Variants in CSMD1 observed in about 807,000 individuals in gnomAD.
CSMD1 encodes CUB and sushi domain-containing protein 1.
CSMD1 carries 213 observed loss-of-function variants against 417.5 expected under a neutral mutation model. The observed-to-expected ratio is 0.51, with a 90% CI of 0.46 to 0.57. The LOEUF (loss-of-function observed/expected upper bound fraction) is 0.57, where lower values mean the gene tolerates loss of function less well. CSMD1 is among the 20% of genes least tolerant of loss of function. The pLI is 0.00. For synonymous variants in CSMD1, 2,862 were observed against 1,736.8 expected (o/e 1.65, Z -16.11); for missense variants, 6,923 against 4,529.7 (o/e 1.53, Z -15.17).
intron 10 of CSMD1, among the ~76,000 whole-genome samples, chr8:3,518,472 T>C (rs1797372819): frequency 6.6e-6 from 1 of 152,230 alleles, no homozygotes; most frequent in African/African-American, 2.4e-5. Context: ...ATATTGCTTT[T>C]GTAAAATCTC....
intron 1 of CSMD1, among the ~76,000 whole-genome samples, chr8:4,713,511 C>G (rs1413309416): frequency 1.3e-5 from 2 of 152,174 alleles, no homozygotes; most frequent in African/African-American, 4.8e-5. Context: ...CAGTGATTTT[C>G]CTGCCTCAGC....
chr8:4,115,542 C>G (rs1051966532), intron 3 of CSMD1, among the ~76,000 whole-genome samples: 7 of 152,066 alleles, frequency 4.6e-5, no homozygotes, highest in African/African-American at 1.7e-4. Context: ...CTTTTGTCAG[C>G]TAATTCATAA....
intron 8 of CSMD1, among the ~76,000 whole-genome samples, chr8:3,594,241 G>C (rs1049885516): frequency 2.6e-5 from 4 of 152,146 alleles, no homozygotes; most frequent in African/African-American, 4.8e-5. Context: ...GTATTAATGA[G>C]CTGCTAGTGT....
intron 7 of CSMD1, among the ~76,000 whole-genome samples, chr8:3,657,086 C>T (rs879366203): frequency 5.9e-5 from 9 of 152,180 alleles, no homozygotes; most frequent in Non-Finnish European, 1.2e-4. Flanking sequence ...AGTCCACTAC[C>T]GAGTTGCTGC....
chr8:3,052,781 C>A, intron 49 of CSMD1, 134 bp from the exon 50 acceptor site: 20 of 536,622 alleles, frequency 3.7e-5, no homozygotes, highest in Non-Finnish European at 4.6e-5. Flanking sequence ...CTTTTTTTTT[C>A]TTTCTTTTTT....
At chr8:3,139,177 C>T (rs976948880) in intron 41 of CSMD1, among the ~76,000 whole-genome samples, 1 of 152,086 alleles carries the variant, frequency 6.6e-6, no homozygotes, top group African/African-American at 2.4e-5. Flanking sequence ...TGTGTCCTGG[C>T]GCTTGCAGAA....
intron 18 of CSMD1, chr8:3,373,735 A>G (rs1250125169): frequency 6.6e-6 from 1 of 152,164 alleles, no homozygotes; most frequent in Non-Finnish European, 1.5e-5. Context: ...GTAGCTGTAA[A>G]AGACACAGTA....
intron 5 of CSMD1, among the ~76,000 whole-genome samples, chr8:3,809,101 A>T (rs1177223385): frequency 1.3e-5 from 2 of 152,114 alleles, no homozygotes; most frequent in Non-Finnish European, 2.9e-5. Flanking sequence ...ACAACCTGCC[A>T]CCGGGCACAT....
chr8:4,524,441 A>T (rs1796401702), intron 2 of CSMD1, among the ~76,000 whole-genome samples: 1 of 152,148 alleles, frequency 6.6e-6, no homozygotes, highest in Non-Finnish European at 1.5e-5. Flanking sequence ...ATAGTAGGTG[A>T]TGCTTGTGGC....
At chr8:4,758,035 T>C (rs1811781372) in intron 1 of CSMD1, among the ~76,000 whole-genome samples, 1 of 149,400 alleles carries the variant, frequency 6.7e-6, no homozygotes. Context: ...CTGCACAAAC[T>C]CCCTTTAGGA....
chr8:3,655,397 A>C (rs959273288), intron 7 of CSMD1, among the ~76,000 whole-genome samples: 7 of 152,230 alleles, frequency 4.6e-5, no homozygotes, highest in Admixed American at 2.0e-4. Flanking sequence ...TACTCTAGTC[A>C]CAGTAACTCT....
At position 3,781,382 on chromosome 8, in the gene CSMD1, T is replaced by A. The variant is rs538875699; in HGVS notation, c.819-27340A>T. On this transcript the variant is annotated intron_variant, in intron 5 of 69. Coordinates refer to ENST00000635120, the MANE Select transcript of CSMD1 (RefSeq NM_033225.6). ...GTCAGGTCAAGCGCATTCTATAGAGTTAATGCAAGCTTGTGCTGTGAGGCC... is the reference window on the plus strand; with the variant it reads ...GTCAGGTCAAGCGCATTCTATAGAGATAATGCAAGCTTGTGCTGTGAGGCC... Among the ~76,000 whole-genome samples the A allele has an allele frequency of 5.9e-4, 90 of 152,076 alleles. No homozygotes were observed. In the South Asian group the frequency reaches 0.014, roughly 23 times the overall value.
At position 4,134,040 on chromosome 8, in the gene CSMD1, T is replaced by A. The variant is rs564956671; in HGVS notation, c.416-101941A>T. 2.6e-5 allele frequency among the ~76,000 whole-genome samples: 4 copies of A among 152,310 alleles called. No individual in the cohort carries two copies. The East Asian group carries it at 7.7e-4, about 29-fold the overall frequency. On this transcript the variant is annotated intron_variant, in intron 3 of 69. Transcript: ENST00000635120. The stretch of plus-strand genomic sequence containing the variant: ...GTATACATTTTTTTAAACATTTAAA[T>A]GAGATTAGCTATTAATAAAGATTAA...
Position 4,994,382 on chromosome 8 carries a change from A to T in CSMD1, c.35T>A (p.Leu12Gln). The stretch of plus-strand genomic sequence containing the variant: ...GCACAGCACCAGCAGCCCGAGAAGC[A>T]GGAGCAGCGACTGGAATCTCCTCCA... ...TAWRRFQSLL[L>Q]LLGLLVLCAR... The change falls in exon 1 of 70, where the codon CTG (leucine) becomes CAG (glutamine). Residue 12 changes from leucine to glutamine, a missense_variant. Leu to Gln is a moderately radical substitution (Grantham distance 113). Coordinates refer to ENST00000635120, the MANE Select transcript of CSMD1 (RefSeq NM_033225.6). 5 of 1,612,314 alleles carry T rather than the reference A, an allele frequency of 3.1e-6. No individual in the cohort carries two copies. The highest frequency in any genetic ancestry group is 1.1e-5 in the South Asian group (1 of 91,078).
At chr8:3,016,078 T>G (rs1322036028) in intron 52 of CSMD1, among the ~76,000 whole-genome samples, 1 of 152,352 alleles carries the variant, frequency 6.6e-6, no homozygotes, top group African/African-American at 2.4e-5. Context: ...CTATGCTTTC[T>G]TTCTTATCTG....
At chr8:4,617,126 T>G (rs574288495) in intron 2 of CSMD1, among the ~76,000 whole-genome samples, 39 of 152,280 alleles carry the variant, frequency 2.6e-4, no homozygotes, top group African/African-American at 9.4e-4. Flanking sequence ...TTTAAAATTC[T>G]TATGCCAACT....
At chr8:4,661,209 G>C (rs999848192) in intron 1 of CSMD1, among the ~76,000 whole-genome samples, 2 of 152,126 alleles carry the variant, frequency 1.3e-5, no homozygotes, top group Non-Finnish European at 2.9e-5. Flanking sequence ...AACTGAAACA[G>C]CCCAGATGTC....
rs532602486 is a variant in CSMD1 at position 3,691,322 on chromosome 8, G to C, written c.1009+17092C>G. Among the ~76,000 whole-genome samples, 4 of 151,748 alleles carry C rather than the reference G, an allele frequency of 2.6e-5. No homozygotes were observed. The East Asian group carries it at 7.7e-4, about 29-fold the overall frequency. ...GCGGAGGTTGCAGTGAGCCGGGATC[G>C]TGCCACTGCACTCCAGCATGGGTGA... is the stretch of plus-strand genomic sequence containing the variant. On this transcript the variant is annotated intron_variant, in intron 7 of 69. Coordinates refer to ENST00000635120, the MANE Select transcript of CSMD1 (RefSeq NM_033225.6).
At chr8:3,491,915 G>A (rs1246799423) in intron 11 of CSMD1, among the ~76,000 whole-genome samples, 1 of 152,182 alleles carries the variant, frequency 6.6e-6, no homozygotes, top group Non-Finnish European at 1.5e-5. Flanking sequence ...TAAAAGGCGG[G>A]TCCAGGGGAC....
Sources: gnomAD v4.1 joint callset for allele counts (sites outside exome capture counted in the v4.1 genomes callset) on GRCh38, gnomAD v4.1.1 for gene constraint, MANE v1.5 for transcripts, NCBI Gene and HGNC (gene_info 2026-07-23, HGNC 2026-07-21) for gene names.